Variants in SEC22C observed in about 807,000 individuals in gnomAD.
The protein encoded by SEC22C is SEC22 homolog C, vesicle trafficking protein.
A neutral mutation model predicts 34.7 loss-of-function variants in SEC22C; 29 were observed. That is an observed-to-expected ratio of 0.84 (90% CI 0.62 to 1.14). The LOEUF is 1.14. SEC22C is among the 50% of genes most tolerant of loss of function. The probability of loss-of-function intolerance (pLI) is 0.00; values close to 1 mark genes in which losing one functional copy is unlikely to be tolerated. For missense variants in SEC22C, 337 were observed against 369.0 expected (o/e 0.91, Z 0.71); for synonymous variants, 117 against 132.8 (o/e 0.88, Z 0.82).
At chr3:42,554,223 T>C (rs1489888109) in intron 6 of SEC22C, among the ~76,000 whole-genome samples, 3 of 152,190 alleles carry the variant, frequency 2.0e-5, no homozygotes, top group African/African-American at 7.2e-5. Flanking sequence ...GTACAATCCC[T>C]GCAGTCCTAA....
chr3:42,589,231 T>C (rs1704727266), intron 1 of SEC22C, among the ~76,000 whole-genome samples: 2 of 151,554 alleles, frequency 1.3e-5, no homozygotes, highest in South Asian at 4.2e-4. Flanking sequence ...ATCACACCAC[T>C]GCACTCCAGC....
intron 1 of SEC22C, among the ~76,000 whole-genome samples, chr3:42,576,931 A>G (rs1226882108): frequency 1.3e-5 from 2 of 152,330 alleles, no homozygotes; most frequent in East Asian, 3.8e-4. Flanking sequence ...AGGAATAGAC[A>G]TAGATCAATG....
chr3:42,600,031 G>A (rs1309012102), intron 1 of SEC22C, among the ~76,000 whole-genome samples: 1 of 152,212 alleles, frequency 6.6e-6, no homozygotes, highest in East Asian at 1.9e-4. Flanking sequence ...AATCATTTAT[G>A]TAACAAAAGA....
chr3:42,574,954 G>C (rs1412223741), intron 1 of SEC22C, among the ~76,000 whole-genome samples: 2 of 152,090 alleles, frequency 1.3e-5, no homozygotes, highest in African/African-American at 4.8e-5. Context: ...TGATCCTTCT[G>C]CCTCAGCCTC....
intron 1 of SEC22C, among the ~76,000 whole-genome samples, chr3:42,579,786 C>T (rs1704203317): frequency 6.6e-6 from 1 of 152,132 alleles, no homozygotes; most frequent in Non-Finnish European, 1.5e-5. Context: ...TTAGGAAGCA[C>T]TCAGTAAACA....
intron 1 of SEC22C, among the ~76,000 whole-genome samples, chr3:42,573,104 G>A (rs67583158): frequency 0.14 from 20,872 of 151,800 alleles, 1,834 homozygotes; most frequent in African/African-American, 0.24. Context: ...CTCCCACCTC[G>A]GCCTCTCAAA....
chr3:42,580,361 A>G (rs998227780), intron 1 of SEC22C: 2 of 152,250 alleles, frequency 1.3e-5, no homozygotes, highest in African/African-American at 4.8e-5. Context: ...AGTGTTCACC[A>G]TAAAGTATAT....
intron 1 of SEC22C, among the ~76,000 whole-genome samples, chr3:42,598,936 T>C (rs970409261): frequency 6.8e-6 from 1 of 146,968 alleles, no homozygotes; most frequent in Non-Finnish European, 1.5e-5. Flanking sequence ...TCTATAGATA[T>C]CTAGATATCT....
intron 3 of SEC22C, among the ~76,000 whole-genome samples, chr3:42,561,503 G>A (rs1022434884): frequency 7.2e-5 from 11 of 152,052 alleles, no homozygotes; most frequent in Non-Finnish European, 1.5e-4. Flanking sequence ...AGCCTCCCAA[G>A]TAGCTGAGAC....
In SEC22C at chr3:42,550,755, C is replaced by T; in HGVS notation, c.*2493G>A. The T allele has an allele frequency of 1.0e-6, 1 of 985,104 alleles. No individual in the cohort carries two copies. The allele number at this position is 985,104 out of a possible 1,614,324, so 61.0% of individuals were successfully genotyped here. On this transcript the variant is annotated 3_prime_UTR_variant, in exon 7 of 7. Transcript: ENST00000264454. Reference sequence around the variant, plus strand: ...TCAAGGACCGTTTCTTTACTGCCTGCTGAATATGGATCATAGGCTCAGATG... The same window carrying T: ...TCAAGGACCGTTTCTTTACTGCCTGTTGAATATGGATCATAGGCTCAGATG...
chr3:42,600,405 CCA>C (rs1013999289), intron 1 of SEC22C: 5 of 152,228 alleles, frequency 3.3e-5, no homozygotes, highest in Admixed American at 1.3e-4. Flanking sequence ...GCGCTCACAG[CCA>C]CACCTGACGA....
chr3:42,551,367 G>A lies in SEC22C; in HGVS notation c.*1881C>T, dbSNP rs1577283318. The A allele has an allele frequency of 1.0e-6, 1 of 980,020 alleles. No homozygotes were observed. Among genetic ancestry groups the A allele is most frequent in the East Asian group, 1.1e-4 (1 of 8,784 alleles). 60.7% of individuals were successfully genotyped at this position (980,020 alleles called of 1,614,324 possible). ...TCATATTCAGACTTTTTAGAGACAG[G>A]GTTTCACTCTGTCATGCAGGCTGGG... On this transcript the variant is annotated 3_prime_UTR_variant, in exon 7 of 7. Coordinates refer to ENST00000264454, the MANE Select transcript of SEC22C (RefSeq NM_032970.4).
intron 1 of SEC22C, chr3:42,580,467 G>A (rs1194899939): frequency 6.6e-6 from 1 of 152,194 alleles, no homozygotes; most frequent in Non-Finnish European, 1.5e-5. Flanking sequence ...CTTGAGAACT[G>A]GTTACCAAAT....
At position 42,553,072 on chromosome 3, in the gene SEC22C, G is replaced by A. The variant is rs1441852149; in HGVS notation, c.*176C>T. On this transcript the variant is annotated 3_prime_UTR_variant, in exon 7 of 7. Transcript: ENST00000264454. ...AATGCTTGGCACAGAACCAAGGCTG[G>A]GTATCAAGCAACCTCATGACTTCCA... 1 of 1,434,732 alleles carries A rather than the reference G, an allele frequency of 7.0e-7. No homozygotes were observed. The highest frequency in any genetic ancestry group is 2.5e-5 in the East Asian group (1 of 39,814). The allele number at this position is 1,434,732 out of a possible 1,614,324, so 88.9% of individuals were successfully genotyped here.
intron 2 of SEC22C, chr3:42,565,895 G>GA: frequency 2.2e-6 from 1 of 455,980 alleles, no homozygotes; most frequent in Non-Finnish European, 4.4e-6. Context: ...TGTAAGAAAA[G>GA]AAAGTCTATT....
intron 1 of SEC22C, among the ~76,000 whole-genome samples, chr3:42,587,191 T>C (rs1157380616): frequency 6.6e-6 from 1 of 152,218 alleles, no homozygotes; most frequent in Admixed American, 6.5e-5. Flanking sequence ...AAACTCTAAA[T>C]GCATCTCAGG....
chr3:42,587,247 C>T (rs1704642785), intron 1 of SEC22C, among the ~76,000 whole-genome samples: 1 of 152,166 alleles, frequency 6.6e-6, no homozygotes, highest in Non-Finnish European at 1.5e-5. Context: ...CCCATTACTC[C>T]TAGGAGAGTA....
At chr3:42,560,776 C>A (rs1162247896) in intron 4 of SEC22C, among the ~76,000 whole-genome samples, 1 of 152,018 alleles carries the variant, frequency 6.6e-6, no homozygotes, top group African/African-American at 2.4e-5. Context: ...GTAGCTGAGA[C>A]TACAGGCACG....
chr3:42,555,826 C>T (rs1702497623), intron 6 of SEC22C, 104 bp downstream of exon 6: 1 of 943,382 alleles, frequency 1.1e-6, no homozygotes, highest in Non-Finnish European at 1.7e-6. Context: ...GAACCATGAC[C>T]TTGGTGGAAC....
Sources: gnomAD v4.1 joint callset for allele counts (sites outside exome capture counted in the v4.1 genomes callset) on GRCh38, gnomAD v4.1.1 for gene constraint, MANE v1.5 for transcripts, NCBI Gene and HGNC (gene_info 2026-07-23, HGNC 2026-07-21) for gene names.